The following CHRM1 variants were observed in gnomAD, a reference collection of about 807,000 sequenced individuals.
CHRM1 encodes cholinergic receptor muscarinic 1.
A neutral mutation model predicts 31.6 loss-of-function variants in CHRM1; 5 were observed. The ratio of observed to expected loss-of-function variants is 0.16; its 90% CI spans 0.08 to 0.33. CHRM1 has a LOEUF of 0.33. CHRM1 is among the 10% of genes least tolerant of loss of function. The pLI, the probability that CHRM1 is intolerant of heterozygous loss-of-function variation, is 1.00. For synonymous variants in CHRM1, 227 were observed against 249.7 expected (o/e 0.91, Z 0.86); for missense variants, 338 against 610.3 (o/e 0.55, Z 4.70).
At chr11:62,916,041 C>T (rs1487113601) in intron 1 of CHRM1, among the ~76,000 whole-genome samples, 1 of 152,122 alleles carries the variant, frequency 6.6e-6, no homozygotes, top group Non-Finnish European at 1.5e-5. Context: ...AACTCCTGAC[C>T]TCAGGTGATC....
rs1268099406 is a variant in CHRM1 at position 62,910,414 on chromosome 11, C to A, written c.687G>T (p.Glu229Asp). The change falls in exon 2 of 2, where the codon GAG becomes GAT. Residue 229 changes from glutamate (E) to aspartate (D), a missense_variant. By Grantham distance (45) the Glu-to-Asp change is conservative (BLOSUM62 2). Coordinates refer to ENST00000306960, the MANE Select transcript of CHRM1 (RefSeq NM_000738.3). This position sits in a 1 kb window ranked among gnomAD's most constrained non-coding sequence, Gnocchi z 8.7. ...ARELAALQGS[E>D]TPGKGGGSSS... Reference sequence around the variant, plus strand: ...TGCTGCCACCCCCTTTGCCTGGCGTCTCGGAGCCCTGAAGGGCTGCCAGCT... The same window carrying A: ...TGCTGCCACCCCCTTTGCCTGGCGTATCGGAGCCCTGAAGGGCTGCCAGCT... 4 of 1,612,556 alleles carry A rather than the reference C, an allele frequency of 2.5e-6. No homozygotes were observed. In the Admixed American group the frequency reaches 5.0e-5, roughly 20 times the overall value.
intron 1 of CHRM1, 24 bp downstream of exon 1, chr11:62,921,194 C>T (rs1305305392): frequency 6.6e-6 from 1 of 152,274 alleles, no homozygotes; most frequent in East Asian, 1.9e-4. Context: ...GCAGCCCCTC[C>T]CAAGCCCTCC....
chr11:62,917,925 G>A (rs1246469701), intron 1 of CHRM1: 1 of 151,922 alleles, frequency 6.6e-6, no homozygotes, highest in East Asian at 1.9e-4. Flanking sequence ...TTGTGAAGTA[G>A]GTCCTGCTAT....
chr11:62,913,060 G>C (rs917703587), intron 1 of CHRM1, among the ~76,000 whole-genome samples: 3 of 151,756 alleles, frequency 2.0e-5, no homozygotes, highest in African/African-American at 7.3e-5. Context: ...GTGTGTGCTT[G>C]TGTGTCTGGG....
chr11:62,914,331 G>C (rs2085889267), intron 1 of CHRM1, among the ~76,000 whole-genome samples: 1 of 152,180 alleles, frequency 6.6e-6, no homozygotes, highest in Non-Finnish European at 1.5e-5. Context: ...TAGGAACTAG[G>C]ATTTGAGCCC....
chr11:62,910,864 C>T lies in CHRM1; in HGVS notation c.237G>A (p.Met79Ile). 1 of 1,614,132 alleles carries T rather than the reference C, an allele frequency of 6.2e-7. No homozygotes were observed. Among genetic ancestry groups the T allele is most frequent in the Non-Finnish European group, 8.5e-7 (1 of 1,180,008 alleles). The change falls in exon 2 of 2, where the codon ATG (methionine) becomes ATA (isoleucine). Residue 79 changes from methionine (M) to isoleucine (I), a missense_variant. Met to Ile is a conservative substitution (Grantham distance 10). Transcript: ENST00000306960. The surrounding 1 kb of genome is among the most constrained non-coding windows in gnomAD (Gnocchi z 8.7). ...CADLIIGTFS[M>I]NLYTTYLLMG... is the part of the protein sequence containing the mutation. The stretch of plus-strand genomic sequence containing the variant: ...TGAGCAGGTACGTGGTATAGAGGTT[C>T]ATGGAGAAGGTACCGATGATGAGGT...
At position 62,909,781 on chromosome 11, in the gene CHRM1, T is replaced by A; in HGVS notation, c.1320A>T (p.Arg440Ser). 1 of 1,614,122 alleles carries A rather than the reference T, an allele frequency of 6.2e-7. No individual in the cohort carries two copies. The highest frequency in any genetic ancestry group is 8.5e-7 in the Non-Finnish European group (1 of 1,180,006). ...RLLLLCRWDK[R>S]RWRKIPKRPG... ...GGCGCTTGGGGATCTTGCGCCAGCG[T>A]CTCTTGTCCCAGCGGCAAAGCAGCA... The change falls in exon 2 of 2, where the codon AGA (arginine) becomes AGT (serine). Residue 440 changes from arginine (R) to serine (S), a missense_variant. By Grantham distance (110) the Arg-to-Ser change is moderately radical. This residue lies in a region of CHRM1 where 68 missense variants were observed against 108.5 expected (regional missense o/e 0.63). Coordinates refer to ENST00000306960, the MANE Select transcript of CHRM1 (RefSeq NM_000738.3).
In CHRM1 at chr11:62,910,515, C is replaced by T; in HGVS notation, c.586G>A (p.Ala196Thr). The change falls in exon 2 of 2, where the codon GCC becomes ACC. Residue 196 changes from alanine (A) to threonine (T), a missense_variant. Coordinates refer to ENST00000306960, the MANE Select transcript of CHRM1 (RefSeq NM_000738.3). This position sits in a 1 kb window ranked among gnomAD's most constrained non-coding sequence, Gnocchi z 8.7. The part of the protein sequence containing the change: ...PIITFGTAMA[A>T]FYLPVTVMCT... ...ATGACTGTGACAGGGAGGTAGAAGGCAGCCATGGCTGTGCCAAAGGTGATG... is the reference window on the plus strand; with the variant it reads ...ATGACTGTGACAGGGAGGTAGAAGGTAGCCATGGCTGTGCCAAAGGTGATG... The T allele has an allele frequency of 6.2e-7, 1 of 1,614,194 alleles. No individual in the cohort carries two copies. Among genetic ancestry groups the T allele is most frequent in the Non-Finnish European group, 8.5e-7 (1 of 1,180,046 alleles).
chr11:62,910,827 C>T lies in CHRM1; in HGVS notation c.274G>A (p.Ala92Thr). 2 of 1,614,156 alleles carry T rather than the reference C, an allele frequency of 1.2e-6. No individual in the cohort carries two copies. The highest frequency in any genetic ancestry group is 1.7e-6 in the Non-Finnish European group (2 of 1,180,026). ...YTTYLLMGHW[A>T]LGTLACDLWL... is the part of the protein sequence containing the mutation. Reference sequence around the variant, plus strand: ...AGGTCACAAGCCAGCGTGCCCAGAGCCCAGTGGCCCATGAGCAGGTACGTG... The same window carrying T: ...AGGTCACAAGCCAGCGTGCCCAGAGTCCAGTGGCCCATGAGCAGGTACGTG... Residue 92 changes from alanine to threonine, a missense_variant, in exon 2 of 2, where the codon GCT becomes ACT. Physicochemically the swap from Ala to Thr is moderately conservative, Grantham distance 58. Coordinates refer to ENST00000306960, the MANE Select transcript of CHRM1 (RefSeq NM_000738.3). The surrounding 1 kb of genome is among the most constrained non-coding windows in gnomAD (Gnocchi z 8.7).
Position 62,909,654 on chromosome 11 carries a change from C to T in CHRM1, c.*64G>A. The T allele has an allele frequency of 1.3e-6, 2 of 1,567,598 alleles. No individual in the cohort carries two copies. The highest frequency in any genetic ancestry group is 1.7e-6 in the Non-Finnish European group (2 of 1,155,042). ...AGGGCCCTGGGGCTGAGGATGCAGC[C>T]CCTGCCCTCTTCCCACCGGCCTTTC... On this transcript the variant is annotated 3_prime_UTR_variant, in exon 2 of 2. Coordinates refer to ENST00000306960, the MANE Select transcript of CHRM1 (RefSeq NM_000738.3).
chr11:62,915,865 A>C (rs979205563), intron 1 of CHRM1, among the ~76,000 whole-genome samples: 1 of 152,116 alleles, frequency 6.6e-6, no homozygotes, highest in African/African-American at 2.4e-5. Flanking sequence ...GCTGGAGTGT[A>C]GTGATGTGAT....
chr11:62,909,691 G>T lies in CHRM1; in HGVS notation c.*27C>A. 1.9e-6 allele frequency: 3 copies of T among 1,607,586 alleles called. No homozygotes were observed. Among genetic ancestry groups the T allele is most frequent in the Non-Finnish European group, 2.6e-6 (3 of 1,176,362 alleles). On this transcript the variant is annotated 3_prime_UTR_variant, in exon 2 of 2. Transcript: ENST00000306960. Reference sequence around the variant, plus strand: ...CCCACCGGCCTTTCCCGGGGACTGGGGTGGAGGGATGCAGGAGAGGGGACT... The same window carrying T: ...CCCACCGGCCTTTCCCGGGGACTGGTGTGGAGGGATGCAGGAGAGGGGACT...
At chr11:62,919,002 G>A (rs775953720) in intron 1 of CHRM1, among the ~76,000 whole-genome samples, 1 of 152,080 alleles carries the variant, frequency 6.6e-6, no homozygotes, top group African/African-American at 2.4e-5. Context: ...TGGTTAGGAA[G>A]AGGGGATAAC....
intron 1 of CHRM1, chr11:62,918,452 C>G (rs2085912664): frequency 6.6e-6 from 1 of 152,252 alleles, no homozygotes; most frequent in Admixed American, 6.5e-5. Flanking sequence ...CCAGAGGCCC[C>G]TCTTCTCCCT....
intron 1 of CHRM1, among the ~76,000 whole-genome samples, chr11:62,920,339 G>A (rs1245601243): frequency 1.3e-5 from 2 of 152,150 alleles, no homozygotes; most frequent in African/African-American, 2.4e-5. Flanking sequence ...GAGAGCTGAC[G>A]ACCCCCTCCC....
At chr11:62,920,234 C>A (rs2085925630) in intron 1 of CHRM1, among the ~76,000 whole-genome samples, 1 of 152,204 alleles carries the variant, frequency 6.6e-6, no homozygotes, top group African/African-American at 2.4e-5. Flanking sequence ...TTGGGTCAGT[C>A]TGGGTGGAGC....
At chr11:62,911,859 A>C (rs2085872702) in intron 1 of CHRM1, among the ~76,000 whole-genome samples, 1 of 152,200 alleles carries the variant, frequency 6.6e-6, no homozygotes, top group South Asian at 2.1e-4. Context: ...ATAAGGAGAG[A>C]TGGGAAGAAA....
Position 62,909,563 on chromosome 11 carries a change from G to A in CHRM1, c.*155C>T, listed in dbSNP as rs993479961. ...GGGAATAGCGAAGTCTGGAAAGTTG[G>A]CAGGGTCTCTCTGGGCTGCCCAGGA... On this transcript the variant is annotated 3_prime_UTR_variant, in exon 2 of 2. Transcript: ENST00000306960. 6.9e-6 allele frequency: 6 copies of A among 875,516 alleles called. No individual in the cohort carries two copies. In the South Asian group the frequency reaches 8.6e-5, roughly 13 times the overall value. The allele number at this position is 875,516 out of a possible 1,614,324, so 54.2% of individuals were successfully genotyped here.
chr11:62,917,667 AC>A (rs149499819), intron 1 of CHRM1, among the ~76,000 whole-genome samples: 8,188 of 152,062 alleles, frequency 0.054, 289 homozygotes, highest in African/African-American at 0.1. Context: ...AGGGTGTTTC[AC>A]CTGGAGTTCA....
Sources: gnomAD v4.1 joint callset for allele counts (sites outside exome capture counted in the v4.1 genomes callset) on GRCh38, gnomAD v4.1.1 for gene constraint, gnomAD v4.1.1 regional missense constraint, Gnocchi (gnomAD v3.1) non-coding constraint, MANE v1.5 for transcripts, NCBI Gene and HGNC (gene_info 2026-07-23, HGNC 2026-07-21) for gene names.